Variants in BTN2A1 observed in about 807,000 individuals in gnomAD.
The protein encoded by BTN2A1 is butyrophilin subfamily 2 member A1, also known as butyrophilin, subfamily 2, member A1.
Under a neutral mutation model 34.5 loss-of-function variants are expected in BTN2A1, and 41 were observed. That is an observed-to-expected ratio of 1.19 (90% CI 0.93 to 1.54). The LOEUF is 1.54. Ranked by LOEUF, BTN2A1 falls within the 40% of genes most tolerant of loss-of-function variation. BTN2A1 has a pLI of 0.00. For synonymous variants in BTN2A1, 267 were observed against 258.6 expected (o/e 1.03, Z -0.31); for missense variants, 642 against 662.0 (o/e 0.97, Z 0.33).
chr6:26,471,488 G>A (rs1313218016), downstream of BTN2A1, among the ~76,000 whole-genome samples: 2 of 152,234 alleles, frequency 1.3e-5, no homozygotes, highest in African/African-American at 2.4e-5. Flanking sequence ...AGCACTTTGG[G>A]AGGCCAAGGC....
chr6:26,475,985 A>T, intron 7 of BTN2A1: 1 of 759,040 alleles, frequency 1.3e-6, no homozygotes, highest in Non-Finnish European at 2.2e-6. Context: ...TAAATTCCTG[A>T]CTGACTCATT....
At position 26,458,620 on chromosome 6, in the gene BTN2A1, G is replaced by T. The variant is rs765509634; in HGVS notation, c.-17G>T. On this transcript the variant is annotated 5_prime_UTR_variant, in exon 2 of 8. Coordinates refer to ENST00000312541, the MANE Select transcript of BTN2A1 (RefSeq NM_007049.5). ...CTGTAACCCTAGGCCTCCTGTCCCT[G>T]CCTGCTCTGGGTGCTCATGGAATCA... 2.4e-5 allele frequency: 39 copies of T among 1,613,838 alleles called. No individual in the cohort carries two copies. Among genetic ancestry groups the T allele is most frequent in the Non-Finnish European group, 3.2e-5 (38 of 1,179,898 alleles).
intron 3 of BTN2A1, among the ~76,000 whole-genome samples, chr6:26,461,525 G>T (rs1327758442): frequency 6.6e-6 from 1 of 152,258 alleles, no homozygotes; most frequent in Non-Finnish European, 1.5e-5. Flanking sequence ...ATTCATGCCT[G>T]TAATCCTAGC....
Position 26,459,715 on chromosome 6 carries a change from G to C in BTN2A1, c.317G>C (p.Gly106Ala). Residue 106 changes from glycine (G) to alanine (A), a missense_variant, in exon 3 of 8, where the codon GGC (glycine) becomes GCC (alanine). Coordinates refer to ENST00000312541, the MANE Select transcript of BTN2A1 (RefSeq NM_007049.5). ...TTFVSKDISR[G>A]SVALVIHNIT... is the part of the protein sequence containing the mutation. ...TTTGTGAGCAAAGACATCAGCAGGGGCAGCGTGGCCCTGGTCATACACAAC... is the reference window on the plus strand; with the variant it reads ...TTTGTGAGCAAAGACATCAGCAGGGCCAGCGTGGCCCTGGTCATACACAAC... 6 of 1,614,170 alleles carry C rather than the reference G, an allele frequency of 3.7e-6. No individual in the cohort carries two copies. The South Asian group carries it at 6.6e-5, about 18-fold the overall frequency.
intron 3 of BTN2A1, 116 bp downstream of exon 3, chr6:26,459,944 ACTCTCCCTGTGGAAACGGAATTC>A: frequency 7.5e-5 from 66 of 876,282 alleles, no homozygotes; most frequent in Non-Finnish European, 9.4e-5. Flanking sequence ...TCCCTTTTCC[ACTCTCCCTGTGGAAACGGAATTC>A]CAGGGAAAAA....
chr6:26,464,173 G>A (rs1276530987), intron 4 of BTN2A1, among the ~76,000 whole-genome samples: 1 of 152,084 alleles, frequency 6.6e-6, no homozygotes, highest in Non-Finnish European at 1.5e-5. Flanking sequence ...TCTACACTTG[G>A]TGTTCCTGTA....
chr6:26,466,161 G>A (rs1977199), intron 7 of BTN2A1, 73 bp downstream of exon 7: 1,209,877 of 1,610,224 alleles, frequency 0.75, 460,109 homozygotes, highest in Admixed American at 0.82. Context: ...CCTTAGAGGA[G>A]ATGAGCAAGG....
chr6:26,474,004 A>G (rs148523544), downstream of BTN2A1, among the ~76,000 whole-genome samples: 2 of 152,366 alleles, frequency 1.3e-5, no homozygotes, highest in East Asian at 3.9e-4. Flanking sequence ...TGTACAGCAC[A>G]TGCTTTCTTT....
downstream of BTN2A1, among the ~76,000 whole-genome samples, chr6:26,470,568 T>A (rs1348587924): frequency 6.6e-6 from 1 of 152,178 alleles, no homozygotes; most frequent in African/African-American, 2.4e-5. Flanking sequence ...GACTGGTATG[T>A]GAGTCAGTGG....
downstream of BTN2A1, among the ~76,000 whole-genome samples, chr6:26,470,885 A>G (rs1397390677): frequency 6.6e-6 from 1 of 152,150 alleles, no homozygotes; most frequent in Non-Finnish European, 1.5e-5. Flanking sequence ...CAGCTTGCAG[A>G]TGGCCCGTCA....
intron 7 of BTN2A1, among the ~76,000 whole-genome samples, chr6:26,475,602 T>C (rs980981932): frequency 6.6e-6 from 1 of 152,124 alleles, no homozygotes; most frequent in African/African-American, 2.4e-5. Flanking sequence ...ATTGGTACAA[T>C]GAACTCAAAA....
In BTN2A1 at chr6:26,466,192, C is replaced by T. The variant is rs547450469; in HGVS notation, c.982+104C>T. The T allele has an allele frequency of 2.8e-4, 442 of 1,561,420 alleles. No individual in the cohort carries two copies. In the African/African-American group the frequency reaches 4.3e-3, roughly 15 times the overall value. On this transcript the variant is annotated intron_variant, in intron 7 of 7. Coordinates refer to ENST00000312541, the MANE Select transcript of BTN2A1 (RefSeq NM_007049.5). ...CAAGGGGCCCAGGGCAAGGTGGGGA[C>T]AGCAGGGAACGGGGGTCAGTTCATC...
exon 8 of BTN2A1, chr6:26,476,346 C>CAGT: frequency 1.3e-6 from 1 of 757,808 alleles, no homozygotes; most frequent in Non-Finnish European, 2.4e-6. Context: ...AGACTCACAC[C>CAGT]AGTATCTTGC....
chr6:26,476,065 C>T (rs1763532660), intron 7 of BTN2A1: 1 of 1,385,784 alleles, frequency 7.2e-7, no homozygotes, highest in Admixed American at 2.0e-5. Context: ...AAACTGTGCT[C>T]ATTTATATGC....
rs754802249 is a variant in BTN2A1, at chr6:26,459,618, G to A, written c.220G>A (p.Ala74Thr). ...GTGGTTCCGGTCTCAGTTCTCCCCC[G>A]CAGTGTTTGTGTATAAAGGTGGCAG... ...VRWFRSQFSPAVFVYKGGRER... is the reference protein window; with the variant it reads ...VRWFRSQFSPTVFVYKGGRER... The change falls in exon 3 of 8, where the codon GCA (alanine) becomes ACA (threonine). Residue 74 changes from alanine to threonine, a missense_variant. Ala to Thr is a moderately conservative substitution (Grantham distance 58). Coordinates refer to ENST00000312541, the MANE Select transcript of BTN2A1 (RefSeq NM_007049.5). The A allele has an allele frequency of 6.8e-5, 110 of 1,613,932 alleles. 1 individual carries two copies. In the South Asian group the frequency reaches 1.1e-3, roughly 16 times the overall value.
At chr6:26,472,063 C>T (rs780008802), downstream of BTN2A1, among the ~76,000 whole-genome samples, 30 of 152,204 alleles carry the variant, frequency 2.0e-4, no homozygotes, top group Non-Finnish European at 4.3e-4. Flanking sequence ...AAGGGCTGAT[C>T]TGAGAGCTTG....
At position 26,468,713 on chromosome 6, in the gene BTN2A1, TCTC is replaced by T. The variant is rs773169933; in HGVS notation, c.*171_*173del. 22 of 1,612,918 alleles carry T rather than the reference TCTC, an allele frequency of 1.4e-5. No individual in the cohort carries two copies. In the East Asian group the frequency reaches 1.8e-4, roughly 13 times the overall value. On this transcript the variant is annotated 3_prime_UTR_variant, in exon 8 of 8. Coordinates refer to ENST00000312541, the MANE Select transcript of BTN2A1 (RefSeq NM_007049.5). ...CCACTACAGACCTCAGCCCCAGTTTTCTCCTCCTCACTAGGCTGTGTTTTTAGT... is the reference window on the plus strand; with the variant it reads ...CCACTACAGACCTCAGCCCCAGTTTTCTCCTCACTAGGCTGTGTTTTTAGT...
At chr6:26,461,754 G>T (rs1763170220) in intron 3 of BTN2A1, among the ~76,000 whole-genome samples, 1 of 151,404 alleles carries the variant, frequency 6.6e-6, no homozygotes, top group Non-Finnish European at 1.5e-5. Context: ...TTTCACTCTA[G>T]CCTGGGCTAC....
intron 2 of BTN2A1, among the ~76,000 whole-genome samples, chr6:26,459,045 A>G (rs1212144272): frequency 5.3e-5 from 8 of 152,350 alleles, no homozygotes; most frequent in African/African-American, 1.9e-4. Flanking sequence ...TTAATATACC[A>G]TATTACCAAT....
Sources: allele counts gnomAD v4.1 joint callset (sites outside exome capture counted in the v4.1 genomes callset), GRCh38; gene constraint gnomAD v4.1.1; transcripts MANE v1.5; gene names NCBI Gene and HGNC (gene_info 2026-07-23, HGNC 2026-07-21).